HHAT: variants seen among roughly 807,000 people sequenced by gnomAD.
The protein encoded by HHAT is hedgehog acyltransferase.
In HHAT, 47 loss-of-function variants were observed where a neutral mutation model predicts 70.8. The ratio of observed to expected loss-of-function variants is 0.66; its 90% confidence interval spans 0.53 to 0.85. HHAT has a LOEUF of 0.85. Ranked by LOEUF, HHAT falls within the 40% of genes least tolerant of loss-of-function variation. The pLI is 0.00. For missense variants in HHAT, 609 were observed against 604.8 expected, an observed-to-expected ratio of 1.01 and a Z score of -0.07; for synonymous variants, 228 against 247.6, an observed-to-expected ratio of 0.92 and a Z score of 0.74.
intron 9 of HHAT, among the ~76,000 whole-genome samples, chr1:210,525,884 C>T (rs983035731): frequency 3.9e-5 from 6 of 152,238 alleles, no homozygotes; most frequent in African/African-American, 9.6e-5. Context: ...TAGGCCACTG[C>T]AGATGGGTTA....
intron 9 of HHAT, among the ~76,000 whole-genome samples, chr1:210,581,528 A>G (rs1249020911): frequency 6.6e-6 from 1 of 152,242 alleles, no homozygotes; most frequent in Non-Finnish European, 1.5e-5. Context: ...TGTAACATGG[A>G]CAAAAGTCTT....
intron 1 of HHAT, among the ~76,000 whole-genome samples, chr1:210,340,240 C>CAGGGGA (rs1553313988): frequency 5.5e-4 from 12 of 21,846 alleles, no homozygotes; most frequent in Admixed American, 1.9e-3. Flanking sequence ...GACTCTGTCT[C>CAGGGGA]AGAAAAAAAA....
intron 3 of HHAT, among the ~76,000 whole-genome samples, chr1:210,374,660 T>C (rs1343744504): frequency 1.3e-5 from 2 of 152,172 alleles, no homozygotes; most frequent in Non-Finnish European, 2.9e-5. Flanking sequence ...ATTTGTTATC[T>C]TTAGCATCAT....
chr1:210,486,234 G>C (rs372901523), intron 8 of HHAT, among the ~76,000 whole-genome samples: 1 of 152,150 alleles, frequency 6.6e-6, no homozygotes, highest in East Asian at 1.9e-4. Flanking sequence ...ATATTTGCTA[G>C]CTATAACATA....
intron 7 of HHAT, among the ~76,000 whole-genome samples, chr1:210,435,846 C>T (rs932036502): frequency 1.3e-5 from 2 of 151,534 alleles, no homozygotes; most frequent in African/African-American, 4.9e-5. Flanking sequence ...GTTTGAGCTC[C>T]TTGTATATTC....
intron 1 of HHAT, among the ~76,000 whole-genome samples, chr1:210,330,171 A>AT (rs755279607): frequency 3.9e-5 from 6 of 151,954 alleles, no homozygotes; most frequent in Admixed American, 6.6e-5. Context: ...TTGAGGAATG[A>AT]TTTTTTTCCC....
At chr1:210,445,682 T>G (rs914529632) in intron 7 of HHAT, among the ~76,000 whole-genome samples, 2 of 152,242 alleles carry the variant, frequency 1.3e-5, no homozygotes, top group African/African-American at 4.8e-5. Context: ...GTCATTTTTC[T>G]TTGTTGACAT....
At chr1:210,619,757 C>G (rs368120964) in intron 10 of HHAT, among the ~76,000 whole-genome samples, 19 of 28,188 alleles carry the variant, frequency 6.7e-4, no homozygotes, top group African/African-American at 1.2e-3. Flanking sequence ...TAGTGCCACT[C>G]TCATTTTTTG....
intron 9 of HHAT, among the ~76,000 whole-genome samples, chr1:210,548,988 G>A (rs2095506353): frequency 6.6e-6 from 1 of 152,206 alleles, no homozygotes; most frequent in East Asian, 1.9e-4. Context: ...TCAGATGGCA[G>A]TGCAGTGCAG....
At chr1:210,451,209 C>T (rs988669419) in intron 7 of HHAT, among the ~76,000 whole-genome samples, 30 of 151,956 alleles carry the variant, frequency 2.0e-4, no homozygotes, top group African/African-American at 5.1e-4. Flanking sequence ...GGGTCTGGGT[C>T]GCCGCTGATC....
At chr1:210,422,787 C>G (rs1244877671) in intron 7 of HHAT, among the ~76,000 whole-genome samples, 1 of 152,182 alleles carries the variant, frequency 6.6e-6, no homozygotes, top group East Asian at 1.9e-4. Flanking sequence ...CAGGTGCCCA[C>G]CACCACACCT....
rs574530187 is a variant in HHAT, at chr1:210,602,700, T to TTAG, written c.1245+14603_1245+14605dup. On this transcript the variant is annotated intron_variant, in intron 10 of 11. Transcript: ENST00000261458. Reference sequence around the variant, plus strand: ...CAAATTAGCCTGTTGTGCCAGCTTATTAGTGCTCACCCGGGCCTCTGGGTC... The same window carrying TTAG: ...CAAATTAGCCTGTTGTGCCAGCTTATTAGTAGTGCTCACCCGGGCCTCTGGGTC... Among the ~76,000 whole-genome samples the TTAG allele has an allele frequency of 5.3e-3, 799 of 151,960 alleles. 9 individuals are homozygous for TTAG. The highest frequency in any genetic ancestry group is 0.018 in the African/African-American group (764 of 41,346).
chr1:210,380,593 T>C (rs375973581), intron 3 of HHAT, among the ~76,000 whole-genome samples: 2 of 152,202 alleles, frequency 1.3e-5, no homozygotes, highest in African/African-American at 4.8e-5. Flanking sequence ...GATAAGTTGC[T>C]TTGTTACAGG....
chr1:210,562,690 A>G (rs1344598024), intron 9 of HHAT, among the ~76,000 whole-genome samples: 2 of 151,548 alleles, frequency 1.3e-5, no homozygotes, highest in Non-Finnish European at 2.9e-5. Context: ...GTTTTAGAGT[A>G]CATGTGCACA....
At chr1:210,668,774 TA>T (rs770247064) in intron 11 of HHAT, among the ~76,000 whole-genome samples, 4 of 152,162 alleles carry the variant, frequency 2.6e-5, no homozygotes, top group African/African-American at 7.2e-5. Flanking sequence ...TTTATTTATT[TA>T]TTTTTTTTAT....
chr1:210,433,017 A>G (rs934722849), intron 7 of HHAT, among the ~76,000 whole-genome samples: 11 of 151,610 alleles, frequency 7.3e-5, no homozygotes, highest in African/African-American at 2.2e-4. Context: ...TTTCCATCCA[A>G]AAGTTGCGGT....
At chr1:210,431,901 C>T (rs540595319) in intron 7 of HHAT, among the ~76,000 whole-genome samples, 1 of 151,890 alleles carries the variant, frequency 6.6e-6, no homozygotes, top group African/African-American at 2.4e-5. Flanking sequence ...GTATAATAGG[C>T]AGCCAAGAAA....
At chr1:210,461,926 C>G (rs139514074) in intron 7 of HHAT, among the ~76,000 whole-genome samples, 82 of 152,228 alleles carry the variant, frequency 5.4e-4, no homozygotes, top group African/African-American at 1.9e-3. Context: ...CAAAATCAAG[C>G]CCAATTACCT....
intron 1 of HHAT, 153 bp downstream of exon 1, chr1:210,329,257 C>G: frequency 3.2e-6 from 4 of 1,231,994 alleles, no homozygotes; most frequent in Non-Finnish European, 4.1e-6. Context: ...GAGGAAGTTC[C>G]CGGTCGGGCG....
Sources: gnomAD v4.1 joint callset for allele counts (sites outside exome capture counted in the v4.1 genomes callset) on GRCh38, gnomAD v4.1.1 for gene constraint, MANE v1.5 for transcripts, NCBI Gene and HGNC (gene_info 2026-07-23, HGNC 2026-07-21) for gene names.